Variants in IFT140 observed in about 807,000 individuals in gnomAD.
IFT140 encodes intraflagellar transport protein 140 homolog.
Under a neutral mutation model 164.6 loss-of-function variants are expected in IFT140, and 133 were observed. The observed-to-expected ratio is 0.81, with a 90% confidence interval of 0.70 to 0.93. The LOEUF is 0.93. IFT140 is among the 40% of genes least tolerant of loss of function. IFT140 has a pLI of 0.00. For missense variants in IFT140, 2,045 were observed against 1,972.3 expected (o/e 1.04, Z -0.70); for synonymous variants, 860 against 817.3 (o/e 1.05, Z -0.89).
chr16:1,579,033 C>T (rs939875924), intron 13 of IFT140, among the ~76,000 whole-genome samples: 7 of 152,150 alleles, frequency 4.6e-5, no homozygotes, highest in Admixed American at 3.9e-4. Flanking sequence ...TTTTGACTTC[C>T]CCAAAACGTT....
In IFT140 at chr16:1,597,667, T is replaced by A. The variant is rs549833387; in HGVS notation, c.369+4703A>T. Among the ~76,000 whole-genome samples the A allele has an allele frequency of 2.0e-5, 3 of 152,348 alleles. No individual in the cohort carries two copies. The South Asian group carries it at 6.2e-4, about 32-fold the overall frequency. ...CATTACTAAATTAGTTCCAGCACAA[T>A]CTTAGATTTTCTTAGAAGGATTAGG... On this transcript the variant is annotated intron_variant, in intron 4 of 30. Transcript: ENST00000426508.
rs2040337804 is a variant in IFT140, at chr16:1,516,178, A to AAC, written c.4182+2037_4182+2038insGT. Among the ~76,000 whole-genome samples, 6 of 59,212 alleles carry AAC rather than the reference A, an allele frequency of 1.0e-4. 1 individual carries two copies. Among genetic ancestry groups the AAC allele is most frequent in the African/African-American group, 4.5e-4 (2 of 4,442 alleles). 38.8% of individuals were successfully genotyped at this position (59,212 alleles called of 152,430 possible). On this transcript the variant is annotated intron_variant, in intron 30 of 30. Transcript: ENST00000426508. ...AAAAAAAAAAAAAAAAAAAAAAAAA[A>AAC]CACCAGAAATGGATGGTAAATATGT...
chr16:1,608,042 C>A (rs2036162052), intron 2 of IFT140, among the ~76,000 whole-genome samples: 1 of 152,184 alleles, frequency 6.6e-6, no homozygotes, highest in Non-Finnish European at 1.5e-5. Flanking sequence ...AGCATAAAAT[C>A]AAAGACTGTC....
rs1220646975 is a variant in IFT140 at position 1,551,737 on chromosome 16, T to C, written c.2399+6198A>G. Among the ~76,000 whole-genome samples the C allele has an allele frequency of 6.6e-6, 1 of 152,114 alleles. No individual in the cohort carries two copies. The highest frequency in any genetic ancestry group is 1.5e-5 in the Non-Finnish European group (1 of 68,018). On this transcript the variant is annotated intron_variant, in intron 19 of 30. Coordinates refer to ENST00000426508, the MANE Select transcript of IFT140 (RefSeq NM_014714.4). The surrounding 1 kb of genome is among the most constrained non-coding windows in gnomAD (Gnocchi z 4.0). ...TCTTCTACGGGGTTTTGTTGGGAGC[T>C]ACCTATACAAAGGAGGCCACACCAC...
intron 24 of IFT140, chr16:1,524,340 G>C: frequency 4.4e-6 from 3 of 682,172 alleles, no homozygotes; most frequent in Non-Finnish European, 7.2e-6. Flanking sequence ...AAACATCTGG[G>C]GACAATTCAG....
chr16:1,547,990 C>T lies in IFT140; in HGVS notation c.2399+9945G>A, dbSNP rs528489059. Among the ~76,000 whole-genome samples, 4 of 152,328 alleles carry T rather than the reference C, an allele frequency of 2.6e-5. No individual in the cohort carries two copies. The South Asian group carries it at 8.3e-4, about 32-fold the overall frequency. Reference sequence around the variant, plus strand: ...TGCAATCAGCCTGGTCTGGATAGCTCGCTTGCCTGTCTTTGGTACCCACTC... The same window carrying T: ...TGCAATCAGCCTGGTCTGGATAGCTTGCTTGCCTGTCTTTGGTACCCACTC... On this transcript the variant is annotated intron_variant, in intron 19 of 30. Transcript: ENST00000426508.
At chr16:1,570,052 G>A (rs959087898) in intron 14 of IFT140, among the ~76,000 whole-genome samples, 4 of 152,104 alleles carry the variant, frequency 2.6e-5, no homozygotes, top group Non-Finnish European at 5.9e-5. Context: ...ATCTTTATGA[G>A]GTTTTTTGGT....
chr16:1,601,201 T>C (rs2035779945), intron 4 of IFT140, among the ~76,000 whole-genome samples: 1 of 151,254 alleles, frequency 6.6e-6, no homozygotes, highest in South Asian at 2.1e-4. Flanking sequence ...GATGTAGAGG[T>C]TGCAGTGAGC....
intron 3 of IFT140, among the ~76,000 whole-genome samples, chr16:1,603,274 G>A (rs547598915): frequency 6.6e-6 from 1 of 152,264 alleles, no homozygotes; most frequent in East Asian, 1.9e-4. Context: ...CAGCAGGTGA[G>A]GTTTGTGGCC....
chr16:1,541,284 G>A, intron 19 of IFT140: 1 of 985,290 alleles, frequency 1.0e-6, no homozygotes, highest in Non-Finnish European at 1.2e-6. Flanking sequence ...GGAGGTGAGG[G>A]GGGCAGGTGG....
chr16:1,565,633 G>A (rs778108928), intron 16 of IFT140, among the ~76,000 whole-genome samples: 5 of 152,226 alleles, frequency 3.3e-5, no homozygotes, highest in Non-Finnish European at 7.3e-5. Context: ...GCTCACGCAG[G>A]CTGGGCGGGC....
At chr16:1,602,813 G>A (rs527745712) in intron 3 of IFT140, among the ~76,000 whole-genome samples, 5 of 152,228 alleles carry the variant, frequency 3.3e-5, no homozygotes, top group Non-Finnish European at 7.4e-5. Flanking sequence ...GATGGCGGGC[G>A]TCTGTAGTCC....
intron 21 of IFT140, among the ~76,000 whole-genome samples, 169 bp downstream of exon 21, chr16:1,525,718 C>A (rs1401393898): frequency 1.3e-5 from 2 of 152,204 alleles, no homozygotes; most frequent in Non-Finnish European, 2.9e-5. Flanking sequence ...GGGGCAACCC[C>A]ACATCTCCGA....
intron 19 of IFT140, among the ~76,000 whole-genome samples, chr16:1,545,256 G>C (rs1418379301): frequency 6.6e-6 from 1 of 152,070 alleles, no homozygotes; most frequent in East Asian, 1.9e-4. Flanking sequence ...GGTTGGACCA[G>C]GCTCTGTTCA....
In IFT140 at chr16:1,526,748, C is replaced by T. The variant is rs759802716; in HGVS notation, c.2448G>A (p.Arg816=). 1.9e-6 allele frequency: 3 copies of T among 1,610,058 alleles called. No individual in the cohort carries two copies. Among genetic ancestry groups the T allele is most frequent in the South Asian group, 2.2e-5 (2 of 90,376 alleles). The change falls in exon 20 of 31, where the codon CGG becomes CGA. Residue 816 remains arginine (R), a synonymous_variant. Coordinates refer to ENST00000426508, the MANE Select transcript of IFT140 (RefSeq NM_014714.4). ...CCAGGCACACCTTGGCCACGTCCAG[C>T]CGCTGGGTCTTCACGCACATGCGCG... The part of the protein sequence containing the change: ...NMARMCVKTQ[R]LDVAKVCLGN...
At chr16:1,572,135 G>A (rs1043220208) in intron 13 of IFT140, among the ~76,000 whole-genome samples, 1 of 152,192 alleles carries the variant, frequency 6.6e-6, no homozygotes, top group African/African-American at 2.4e-5. Flanking sequence ...AAGTGTGTGG[G>A]TATTTCAGTA....
At chr16:1,545,084 T>C (rs975102828) in intron 19 of IFT140, among the ~76,000 whole-genome samples, 1 of 152,250 alleles carries the variant, frequency 6.6e-6, no homozygotes, top group African/African-American at 2.4e-5. Context: ...TGTTTCTAAA[T>C]GTATTTTAAA....
chr16:1,524,145 GGGTTC>G, intron 24 of IFT140, 189 bp from the exon 25 acceptor site: 2 of 756,344 alleles, frequency 2.6e-6, no homozygotes, highest in Non-Finnish European at 4.1e-6. Flanking sequence ...CCGATGCTCT[GGGTTC>G]TATTTCACAG....
intron 30 of IFT140, among the ~76,000 whole-genome samples, chr16:1,515,237 C>T (rs1249878160): frequency 1.5e-4 from 23 of 152,104 alleles, no homozygotes; most frequent in Admixed American, 1.4e-3. Flanking sequence ...CATTATCGCA[C>T]TGCTGAAACA....
Sources: allele counts gnomAD v4.1 joint callset (sites outside exome capture counted in the v4.1 genomes callset), GRCh38; gene constraint gnomAD v4.1.1; non-coding constraint Gnocchi (gnomAD v3.1); transcripts MANE v1.5; gene names NCBI Gene and HGNC (gene_info 2026-07-23, HGNC 2026-07-21).